Variants in DTNBP1 observed in about 807,000 individuals in gnomAD.
The protein encoded by DTNBP1 is dysbindin.
DTNBP1 carries 35 observed loss-of-function variants against 42.8 expected under a neutral mutation model. The ratio of observed to expected loss-of-function variants is 0.82; its 90% CI spans 0.63 to 1.09. DTNBP1 has a LOEUF of 1.09. DTNBP1 is among the 50% of genes least tolerant of loss of function. DTNBP1 has a pLI of 0.00. For synonymous variants in DTNBP1, 171 were observed against 162.2 expected, an observed-to-expected ratio of 1.05 and a Z score of -0.41; for missense variants, 457 against 424.2, an observed-to-expected ratio of 1.08 and a Z score of -0.68.
At chr6:15,586,576 ATTC>A (rs1581363236) in intron 7 of DTNBP1, among the ~76,000 whole-genome samples, 1 of 151,994 alleles carries the variant, frequency 6.6e-6, no homozygotes, top group Non-Finnish European at 1.5e-5. Context: ...TCCTCTAACT[ATTC>A]TTCTTTCCTT....
chr6:15,556,397 G>A (rs1774523636), intron 7 of DTNBP1, among the ~76,000 whole-genome samples: 2 of 152,058 alleles, frequency 1.3e-5, no homozygotes, highest in South Asian at 4.1e-4. Flanking sequence ...GGCCAGGCTG[G>A]TATTGAACTC....
chr6:15,570,596 C>T lies in DTNBP1; in HGVS notation c.511+22463G>A, dbSNP rs118097166. Among the ~76,000 whole-genome samples the T allele has an allele frequency of 2.5e-3, 379 of 152,316 alleles. 1 individual carries two copies. Among genetic ancestry groups the T allele is most frequent in the East Asian group, 8.5e-3 (44 of 5,184 alleles). On this transcript the variant is annotated intron_variant, in intron 7 of 9. Coordinates refer to ENST00000344537, the MANE Select transcript of DTNBP1 (RefSeq NM_032122.5). ...TGTTATAAAACCCAAACCCCACCTT[C>T]GTTTTACACCAAAGGCTGTGTCTCC...
At chr6:15,533,089 T>C (rs1350835247) in intron 8 of DTNBP1, 151 bp downstream of exon 8, 17 of 1,173,100 alleles carry the variant, frequency 1.4e-5, no homozygotes, top group Non-Finnish European at 1.8e-5. Flanking sequence ...AAGAGAGAGG[T>C]GGCCCGACGC....
intron 9 of DTNBP1, chr6:15,523,880 T>C: frequency 7.8e-7 from 1 of 1,287,200 alleles, no homozygotes; most frequent in Non-Finnish European, 1.0e-6. Context: ...ACCGTGGTAA[T>C]GGTAGAACCT....
intron 6 of DTNBP1, among the ~76,000 whole-genome samples, chr6:15,596,222 T>C (rs1776510604): frequency 6.6e-6 from 1 of 152,152 alleles, no homozygotes; most frequent in Admixed American, 6.5e-5. Flanking sequence ...GCAGTTCTAG[T>C]CTGGATCATA....
chr6:15,532,617 G>A (rs2127796827), intron 8 of DTNBP1, among the ~76,000 whole-genome samples: 1 of 151,916 alleles, frequency 6.6e-6, no homozygotes, highest in Admixed American at 6.6e-5. Flanking sequence ...ATTCTGTACT[G>A]GAGAATTAAG....
chr6:15,523,235 G>A lies in DTNBP1; in HGVS notation c.812-16C>T. The A allele has an allele frequency of 3.1e-6, 5 of 1,613,822 alleles. No individual in the cohort carries two copies. Among genetic ancestry groups the A allele is most frequent in the Non-Finnish European group, 4.2e-6 (5 of 1,179,928 alleles). ...GATTCAGGCCCTGCAAAATAACGTAGGGAAGAAAAAGCCCTGTCATAAAAA... is the reference window on the plus strand; with the variant it reads ...GATTCAGGCCCTGCAAAATAACGTAAGGAAGAAAAAGCCCTGTCATAAAAA... On this transcript the variant is annotated splice_polypyrimidine_tract_variant and intron_variant, in intron 9 of 9. Coordinates refer to ENST00000344537, the MANE Select transcript of DTNBP1 (RefSeq NM_032122.5).
At position 15,593,622 on chromosome 6, in the gene DTNBP1, G is replaced by A. The variant is rs529978881; in HGVS notation, c.489-541C>T. ...AGGGCCAAGCCTCTAGGAATCTTCT[G>A]GTTTATTATTTTGTCAATATTAAGT... On this transcript the variant is annotated intron_variant, in intron 6 of 9. Transcript: ENST00000344537. 7.2e-5 allele frequency among the ~76,000 whole-genome samples: 11 copies of A among 152,244 alleles called. No homozygotes were observed. The South Asian group carries it at 2.3e-3, about 32-fold the overall frequency.
At chr6:15,578,107 G>C (rs565506988) in intron 7 of DTNBP1, among the ~76,000 whole-genome samples, 10 of 152,348 alleles carry the variant, frequency 6.6e-5, no homozygotes, top group Admixed American at 4.6e-4. Context: ...CCTTAGGCAG[G>C]AGAGAAGGAA....
At chr6:15,524,260 G>A in intron 9 of DTNBP1, 1 of 1,599,610 alleles carries the variant, frequency 6.3e-7, no homozygotes, top group Admixed American at 1.7e-5. Context: ...TGGTAAAGGA[G>A]GGAAAACAAA....
Position 15,613,005 on chromosome 6 carries a change from C to T in DTNBP1, c.488+2262G>A, listed in dbSNP as rs529079066. ...CCCTGGGTCACAAGGCTCACCCACT[C>T]ATTCAAAAGTCCCTTCTCTAGGCCA... On this transcript the variant is annotated intron_variant, in intron 6 of 9. Transcript: ENST00000344537. Among the ~76,000 whole-genome samples, 4 of 152,140 alleles carry T rather than the reference C, an allele frequency of 2.6e-5. No individual in the cohort carries two copies. In the East Asian group the frequency reaches 5.8e-4, roughly 22 times the overall value.
intron 6 of DTNBP1, among the ~76,000 whole-genome samples, chr6:15,593,808 T>C (rs531682920): frequency 6.6e-6 from 1 of 152,344 alleles, no homozygotes; most frequent in African/African-American, 2.4e-5. Flanking sequence ...TACTAATGAG[T>C]AATTTTGAGG....
In DTNBP1 at chr6:15,662,909, G is replaced by A. The variant is rs1253274133; in HGVS notation, c.-40C>T. ...GTCTCCTCTCCTCAGGCCTCGGGCTGCTGCTGCCTCTGTCGCCCCCTGGGT... is the reference window on the plus strand; with the variant it reads ...GTCTCCTCTCCTCAGGCCTCGGGCTACTGCTGCCTCTGTCGCCCCCTGGGT... On this transcript the variant is annotated 5_prime_UTR_variant, in exon 1 of 10. Transcript: ENST00000344537. The A allele has an allele frequency of 4.4e-6, 7 of 1,600,344 alleles. No homozygotes were observed. The highest frequency in any genetic ancestry group is 3.4e-6 in the Non-Finnish European group (4 of 1,178,896).
chr6:15,648,599 C>T (rs1044420864), intron 3 of DTNBP1, among the ~76,000 whole-genome samples: 2 of 151,514 alleles, frequency 1.3e-5, no homozygotes, highest in South Asian at 4.2e-4. Flanking sequence ...CTATATACTA[C>T]CAATAAATAA....
intron 7 of DTNBP1, chr6:15,533,669 C>A: frequency 1.7e-6 from 1 of 581,564 alleles, no homozygotes. Context: ...CCGCATCGCC[C>A]ATTCATCAGT....
intron 7 of DTNBP1, among the ~76,000 whole-genome samples, chr6:15,556,795 T>C (rs1363037302): frequency 2.0e-5 from 3 of 152,132 alleles, no homozygotes; most frequent in Admixed American, 6.5e-5. Context: ...TTGCACCCTT[T>C]TTCCTTTCCT....
intron 7 of DTNBP1, among the ~76,000 whole-genome samples, chr6:15,563,633 T>C (rs1282994542): frequency 1.3e-5 from 2 of 152,216 alleles, no homozygotes; most frequent in African/African-American, 2.4e-5. Context: ...GCCAACCAGC[T>C]TGAAGATCCC....
At chr6:15,541,504 C>T (rs892524102) in intron 7 of DTNBP1, among the ~76,000 whole-genome samples, 7 of 152,070 alleles carry the variant, frequency 4.6e-5, no homozygotes, top group African/African-American at 1.7e-4. Context: ...ATGTTAAGAG[C>T]TTCAACAAAT....
rs376670611 is a variant in DTNBP1 at position 15,523,003 on chromosome 6, G to A, written c.1028C>T (p.Pro343Leu). 3.1e-5 allele frequency: 50 copies of A among 1,614,090 alleles called. No individual in the cohort carries two copies. The highest frequency in any genetic ancestry group is 1.3e-4 in the Admixed American group (8 of 60,002). ...AGAGTCGCTGTCCTCACCACCATCCGGAGTGGCCTCTCTGTCAGTGTGTGA... is the reference window on the plus strand; with the variant it reads ...AGAGTCGCTGTCCTCACCACCATCCAGAGTGGCCTCTCTGTCAGTGTGTGA... ...ATSHTDREAT[P>L]DGGEDSDS Residue 343 changes from proline to leucine, a missense_variant, in exon 10 of 10, where the codon CCG (proline) becomes CTG (leucine). Pro to Leu is a moderately conservative substitution (Grantham distance 98, BLOSUM62 -3). Transcript: ENST00000344537.
Sources: gnomAD v4.1 joint callset for allele counts (sites outside exome capture counted in the v4.1 genomes callset) on GRCh38, gnomAD v4.1.1 for gene constraint, MANE v1.5 for transcripts, NCBI Gene and HGNC (gene_info 2026-07-23, HGNC 2026-07-21) for gene names.